Variants in HFM1 observed in about 807,000 individuals in gnomAD.
The protein encoded by HFM1 is probable ATP-dependent DNA helicase HFM1.
In HFM1, 169 loss-of-function variants were observed where a neutral mutation model predicts 192.1. The ratio of observed to expected loss-of-function variants is 0.88; its 90% confidence interval spans 0.78 to 1.00. The LOEUF is 1.00. Ranked by LOEUF, HFM1 falls within the 50% of genes least tolerant of loss-of-function variation. The pLI, the probability that HFM1 is intolerant of heterozygous loss-of-function variation, is 0.00. For missense variants in HFM1, 1,661 were observed against 1,668.0 expected (o/e 1.00, Z 0.07); for synonymous variants, 525 against 537.8 (o/e 0.98, Z 0.33).
At chr1:91,312,689 A>G (rs186821422) in intron 30 of HFM1, among the ~76,000 whole-genome samples, 2 of 152,218 alleles carry the variant, frequency 1.3e-5, no homozygotes, top group East Asian at 3.9e-4. Context: ...GAAATGAGTT[A>G]AGGCTTTGGG....
intron 13 of HFM1, among the ~76,000 whole-genome samples, chr1:91,366,427 T>C (rs762928473): frequency 5.9e-5 from 9 of 152,162 alleles, no homozygotes; most frequent in Non-Finnish European, 1.3e-4. Context: ...TGACAAAAAG[T>C]GATATGAACC....
chr1:91,333,309 T>C (rs1654094455), intron 20 of HFM1, among the ~76,000 whole-genome samples: 1 of 152,122 alleles, frequency 6.6e-6, no homozygotes, highest in African/African-American at 2.4e-5. Flanking sequence ...ACAACATGGA[T>C]GGAACCCCAG....
intron 23 of HFM1, among the ~76,000 whole-genome samples, chr1:91,321,394 A>G (rs1229006351): frequency 2.0e-5 from 3 of 152,178 alleles, no homozygotes; most frequent in Non-Finnish European, 4.4e-5. Context: ...CAGTGAGCGG[A>G]GATCATGCCC....
chr1:91,280,452 G>A (rs1185889713), intron 30 of HFM1, among the ~76,000 whole-genome samples: 2 of 152,228 alleles, frequency 1.3e-5, no homozygotes, highest in Non-Finnish European at 2.9e-5. Flanking sequence ...CATGGCAATT[G>A]CATATCTCCA....
intron 13 of HFM1, among the ~76,000 whole-genome samples, chr1:91,372,404 A>T (rs1272498747): frequency 1.3e-5 from 2 of 152,242 alleles, no homozygotes; most frequent in African/African-American, 4.8e-5. Flanking sequence ...AATACTATGC[A>T]GCCATAAAAA....
rs77333718 is a variant in HFM1, at chr1:91,310,330, T to C, written c.3391+3019A>G. 4.0e-3 allele frequency among the ~76,000 whole-genome samples: 604 copies of C among 152,304 alleles called. 5 individuals are homozygous for C. The highest frequency in any genetic ancestry group is 0.014 in the African/African-American group (577 of 41,572). ...GGTATAGATGAAACAGTAGCAGCCA[T>C]GAATTGATCACTGTTTAAAGTGGAT... is the stretch of plus-strand genomic sequence containing the variant. On this transcript the variant is annotated intron_variant, in intron 30 of 38. Coordinates refer to ENST00000370425, the MANE Select transcript of HFM1 (RefSeq NM_001017975.6).
chr1:91,309,301 G>T (rs1158437), intron 30 of HFM1, among the ~76,000 whole-genome samples: 30,014 of 152,200 alleles, frequency 0.2, 3,393 homozygotes, highest in Non-Finnish European at 0.26. Context: ...AAGGTAGACT[G>T]CCTATGCTGC....
chr1:91,285,285 G>C (rs1223251819), intron 30 of HFM1, among the ~76,000 whole-genome samples: 1 of 151,994 alleles, frequency 6.6e-6, no homozygotes, highest in Non-Finnish European at 1.5e-5. Context: ...TATTCCCTAA[G>C]GTGCATGTTT....
chr1:91,397,946 C>T (rs919951417), intron 2 of HFM1, among the ~76,000 whole-genome samples: 18 of 152,186 alleles, frequency 1.2e-4, no homozygotes, highest in African/African-American at 4.3e-4. Context: ...ACATAAGCAT[C>T]CCCTGTCTGG....
intron 7 of HFM1, 27 bp downstream of exon 7, chr1:91,380,885 A>G: frequency 9.2e-7 from 1 of 1,087,958 alleles, no homozygotes; most frequent in Non-Finnish European, 1.4e-6. Flanking sequence ...AAGGTAGAAA[A>G]ATAAATAAGT....
Position 91,361,495 on chromosome 1 carries a change from T to A in HFM1, c.1686-8196A>T, listed in dbSNP as rs187047845. ...CTGGACACACACTCTCTTCCAAGACTGAACCAGGAAGAAATTGAATCCCTG... is the reference window on the plus strand; with the variant it reads ...CTGGACACACACTCTCTTCCAAGACAGAACCAGGAAGAAATTGAATCCCTG... On this transcript the variant is annotated intron_variant, in intron 13 of 38. Coordinates refer to ENST00000370425, the MANE Select transcript of HFM1 (RefSeq NM_001017975.6). 5.9e-5 allele frequency among the ~76,000 whole-genome samples: 9 copies of A among 152,270 alleles called. No homozygotes were observed. The East Asian group carries it at 1.7e-3, about 29-fold the overall frequency.
chr1:91,289,858 G>C (rs1490249102), intron 30 of HFM1, among the ~76,000 whole-genome samples: 1 of 152,132 alleles, frequency 6.6e-6, no homozygotes, highest in Non-Finnish European at 1.5e-5. Context: ...TGCAAAGAGG[G>C]AGAGGGAGAC....
chr1:91,322,824 A>G (rs957272866), intron 23 of HFM1, 126 bp downstream of exon 23: 14 of 485,046 alleles, frequency 2.9e-5, no homozygotes, highest in Non-Finnish European at 5.0e-5. Context: ...TGAGAGTTGT[A>G]AGAAATTAAT....
chr1:91,289,798 G>A (rs1169330714), intron 30 of HFM1, among the ~76,000 whole-genome samples: 4 of 152,124 alleles, frequency 2.6e-5, no homozygotes, highest in Admixed American at 2.0e-4. Context: ...GCAGTGAGCC[G>A]AGATGGCGGC....
At chr1:91,350,621 C>G (rs1656802796) in intron 18 of HFM1, 117 bp downstream of exon 18, 2 of 848,178 alleles carry the variant, frequency 2.4e-6, no homozygotes, top group South Asian at 3.5e-5. Flanking sequence ...ACTGTTGTTA[C>G]CTTTTGTTTT....
chr1:91,297,372 A>T (rs1440849724), intron 30 of HFM1, among the ~76,000 whole-genome samples: 1 of 152,234 alleles, frequency 6.6e-6, no homozygotes. Flanking sequence ...CGGGCAGGGC[A>T]TAGCCAAACA....
At chr1:91,361,168 T>G (rs921302173) in intron 13 of HFM1, among the ~76,000 whole-genome samples, 4 of 149,524 alleles carry the variant, frequency 2.7e-5, no homozygotes, top group Non-Finnish European at 5.9e-5. Flanking sequence ...ACCCCAAAGC[T>G]AGCAGAAGAC....
intron 36 of HFM1, among the ~76,000 whole-genome samples, chr1:91,265,104 C>T (rs1343492313): frequency 6.6e-6 from 1 of 152,138 alleles, no homozygotes; most frequent in Non-Finnish European, 1.5e-5. Flanking sequence ...TCTGGCAGTC[C>T]CACTCCCTAC....
intron 20 of HFM1, among the ~76,000 whole-genome samples, chr1:91,330,993 C>T (rs1032982979): frequency 1.3e-5 from 2 of 152,072 alleles, no homozygotes; most frequent in African/African-American, 4.8e-5. Context: ...AATAATAAAG[C>T]CATATATCAT....
Sources: gnomAD v4.1 joint callset for allele counts (sites outside exome capture counted in the v4.1 genomes callset) on GRCh38, gnomAD v4.1.1 for gene constraint, MANE v1.5 for transcripts, NCBI Gene and HGNC (gene_info 2026-07-23, HGNC 2026-07-21) for gene names.